AGBL1: variants seen among roughly 807,000 people sequenced by gnomAD.
AGBL1 encodes cytosolic carboxypeptidase 4.
A neutral mutation model predicts 118.9 loss-of-function variants in AGBL1; 130 were observed. The ratio of observed to expected loss-of-function variants is 1.09; its 90% confidence interval spans 0.95 to 1.26. The LOEUF (loss-of-function observed/expected upper bound fraction) is 1.26, where lower values mean the gene tolerates loss of function less well. Ranked by LOEUF, AGBL1 falls within the 50% of genes most tolerant of loss-of-function variation. AGBL1 has a pLI of 0.00. For missense variants in AGBL1, 1,584 were observed against 1,298.1 expected, an observed-to-expected ratio of 1.22 and a Z score of -3.38; for synonymous variants, 555 against 478.9, an observed-to-expected ratio of 1.16 and a Z score of -2.08.
chr15:86,868,863 G>T (rs1227155191), intron 22 of AGBL1, among the ~76,000 whole-genome samples: 1 of 152,054 alleles, frequency 6.6e-6, no homozygotes, highest in South Asian at 2.1e-4. Flanking sequence ...TCTCAAAATT[G>T]GAAAAAAATA....
chr15:86,642,964 C>A (rs1047997150), intron 21 of AGBL1, among the ~76,000 whole-genome samples: 2 of 152,004 alleles, frequency 1.3e-5, no homozygotes, highest in Admixed American at 6.6e-5. Flanking sequence ...ATAGGTAGAG[C>A]GAGTTTGGGG....
intron 18 of AGBL1, among the ~76,000 whole-genome samples, chr15:86,404,951 C>G (rs371058471): frequency 2.6e-5 from 4 of 152,130 alleles, no homozygotes; most frequent in African/African-American, 9.6e-5. Flanking sequence ...AAAAATGGGC[C>G]CTTAAGGGAA....
intron 22 of AGBL1, among the ~76,000 whole-genome samples, chr15:86,785,368 T>G (rs565687309): frequency 2.2e-5 from 3 of 138,780 alleles, no homozygotes; most frequent in Non-Finnish European, 4.7e-5. Context: ...TTCTTTTTTT[T>G]TTTTTTTTTT....
chr15:86,730,502 C>T (rs535604133), intron 22 of AGBL1, among the ~76,000 whole-genome samples: 4 of 152,156 alleles, frequency 2.6e-5, no homozygotes, highest in South Asian at 2.1e-4. Flanking sequence ...ATTTTAGGTC[C>T]GTGGGTTTTT....
intron 5 of AGBL1, among the ~76,000 whole-genome samples, chr15:86,197,940 C>G (rs2077841779): frequency 6.6e-6 from 1 of 151,712 alleles, no homozygotes; most frequent in African/African-American, 2.4e-5. Context: ...CAGAGATGAT[C>G]AAGGCTACCA....
intron 18 of AGBL1, among the ~76,000 whole-genome samples, chr15:86,447,162 A>T (rs2082130708): frequency 6.6e-6 from 1 of 152,122 alleles, no homozygotes; most frequent in Admixed American, 6.5e-5. Context: ...CCAGTACCCA[A>T]ATTTCCTTCT....
At chr15:86,599,948 AC>A (rs2084468919) in intron 21 of AGBL1, among the ~76,000 whole-genome samples, 2 of 152,248 alleles carry the variant, frequency 1.3e-5, no homozygotes, top group South Asian at 4.1e-4. Context: ...CATATTGAAA[AC>A]AAAACTTATT....
chr15:86,665,529 T>C (rs2085629662), intron 21 of AGBL1, among the ~76,000 whole-genome samples: 1 of 152,172 alleles, frequency 6.6e-6, no homozygotes, highest in African/African-American at 2.4e-5. Flanking sequence ...TTTTCTTCTC[T>C]GTTGGAATTA....
At chr15:86,517,799 T>A (rs563350964) in intron 18 of AGBL1, among the ~76,000 whole-genome samples, 1 of 149,340 alleles carries the variant, frequency 6.7e-6, no homozygotes, top group South Asian at 2.1e-4. Flanking sequence ...GGTTTTTTCC[T>A]CTTTTTTCTT....
At chr15:86,844,059 T>A (rs2079284780) in intron 22 of AGBL1, among the ~76,000 whole-genome samples, 1 of 152,186 alleles carries the variant, frequency 6.6e-6, no homozygotes, top group South Asian at 2.1e-4. Context: ...CATTTATCAG[T>A]AGCTGGTTCC....
rs372254095 is a variant in AGBL1 at position 86,143,763 on chromosome 15, G to C, written c.180G>C (p.Leu60=). Residue 60 remains leucine (L), a synonymous_variant, in exon 3 of 23, where the codon CTG becomes CTC. Transcript: ENST00000614907. ...GCAGTGAAGCTCTTCTGCAGACCCT[G>C]GTAGACACAGCGAGGACAGCTCCTC... The part of the protein sequence containing the change: ...KGGSEALLQT[L]VDTARTAPPD... 40 of 1,613,802 alleles carry C rather than the reference G, an allele frequency of 2.5e-5. No homozygotes were observed. The African/African-American group carries it at 4.7e-4, about 19-fold the overall frequency.
intron 22 of AGBL1, among the ~76,000 whole-genome samples, chr15:86,691,511 G>C (rs1326091416): frequency 6.6e-6 from 1 of 152,140 alleles, no homozygotes; most frequent in Non-Finnish European, 1.5e-5. Context: ...TGTGTGTGTA[G>C]TTTGGCAGAT....
At chr15:86,894,325 A>G (rs1463170380) in intron 22 of AGBL1, among the ~76,000 whole-genome samples, 4 of 152,256 alleles carry the variant, frequency 2.6e-5, no homozygotes, top group Admixed American at 1.3e-4. Flanking sequence ...GAGGGAGGAG[A>G]GAGAGAGAAT....
At chr15:86,179,342 T>A (rs2077522528) in intron 5 of AGBL1, among the ~76,000 whole-genome samples, 1 of 152,216 alleles carries the variant, frequency 6.6e-6, no homozygotes, top group African/African-American at 2.4e-5. Flanking sequence ...TAAATTGTTA[T>A]CGACAATATA....
chr15:86,254,669 C>A (rs1303996575), intron 7 of AGBL1, among the ~76,000 whole-genome samples: 2 of 152,184 alleles, frequency 1.3e-5, no homozygotes. Flanking sequence ...CCATAAGGAT[C>A]CTATTTCCTG....
At chr15:86,395,934 T>A (rs186119516) in intron 17 of AGBL1, among the ~76,000 whole-genome samples, 1 of 152,126 alleles carries the variant, frequency 6.6e-6, no homozygotes, top group East Asian at 1.9e-4. Context: ...ACACAGTTTG[T>A]ATCTTCAAAA....
chr15:86,181,976 G>A (rs1483693852), intron 5 of AGBL1, among the ~76,000 whole-genome samples: 1 of 151,938 alleles, frequency 6.6e-6, no homozygotes, highest in Non-Finnish European at 1.5e-5. Context: ...CATTCAAAAA[G>A]GAATTGAGGG....
At chr15:86,612,393 G>C (rs1304773109) in intron 21 of AGBL1, among the ~76,000 whole-genome samples, 1 of 131,248 alleles carries the variant, frequency 7.6e-6, no homozygotes, top group Non-Finnish European at 1.6e-5. Context: ...TGGCCAAGGG[G>C]ATTCCAAAAA....
intron 5 of AGBL1, among the ~76,000 whole-genome samples, chr15:86,178,138 C>A (rs915077834): frequency 6.6e-6 from 1 of 152,120 alleles, no homozygotes; most frequent in Non-Finnish European, 1.5e-5. Flanking sequence ...GTGATGTAAC[C>A]CTGTCTCTAC....
Sources: gnomAD v4.1 joint callset for allele counts (sites outside exome capture counted in the v4.1 genomes callset) on GRCh38, gnomAD v4.1.1 for gene constraint, MANE v1.5 for transcripts, NCBI Gene and HGNC (gene_info 2026-07-23, HGNC 2026-07-21) for gene names.